The following TM9SF2 variants were observed in gnomAD, a reference collection of about 807,000 sequenced individuals.
The protein encoded by TM9SF2 is transmembrane 9 superfamily member 2, also known as 76 kDa membrane protein.
A neutral mutation model predicts 84.9 loss-of-function variants in TM9SF2; 13 were observed. The ratio of observed to expected loss-of-function variants is 0.15; its 90% CI spans 0.10 to 0.24. The LOEUF is 0.24. TM9SF2 is among the 10% of genes least tolerant of loss of function. TM9SF2 has a pLI of 1.00. For synonymous variants in TM9SF2, 273 were observed against 285.8 expected, an observed-to-expected ratio of 0.96 and a Z score of 0.45; for missense variants, 562 against 818.5, an observed-to-expected ratio of 0.69 and a Z score of 3.82.
intron 5 of TM9SF2, 71 bp downstream of exon 5, chr13:99,536,808 CA>C: frequency 6.5e-7 from 1 of 1,549,460 alleles, no homozygotes; most frequent in Non-Finnish European, 8.8e-7. Context: ...TTTACCTGGA[CA>C]AAAATTGTTA....
At chr13:99,536,505 T>G in intron 4 of TM9SF2, 103 bp from the exon 5 acceptor site, 2 of 1,382,260 alleles carry the variant, frequency 1.4e-6, no homozygotes, top group South Asian at 2.8e-5. Context: ...CTTAAGGCAT[T>G]TACACATTTA....
chr13:99,543,672 A>G (rs1408980852), intron 9 of TM9SF2, among the ~76,000 whole-genome samples, 191 bp from the exon 10 acceptor site: 1 of 152,242 alleles, frequency 6.6e-6, no homozygotes, highest in Non-Finnish European at 1.5e-5. Context: ...ACTGACATAT[A>G]AGACAGTTCA....
At chr13:99,512,694 G>A (rs945549053) in intron 1 of TM9SF2, among the ~76,000 whole-genome samples, 3 of 152,210 alleles carry the variant, frequency 2.0e-5, no homozygotes, top group Admixed American at 6.5e-5. Flanking sequence ...AAGATTTGCT[G>A]TAGTTTTAGA....
intron 9 of TM9SF2, among the ~76,000 whole-genome samples, chr13:99,543,294 T>C (rs1035463083): frequency 3.3e-5 from 5 of 152,220 alleles, no homozygotes; most frequent in African/African-American, 4.8e-5. Flanking sequence ...CAGTATACTT[T>C]CCTGACTTAT....
chr13:99,520,422 G>A (rs1010611580), intron 3 of TM9SF2, among the ~76,000 whole-genome samples: 1 of 152,128 alleles, frequency 6.6e-6, no homozygotes, highest in African/African-American at 2.4e-5. Context: ...CCTGAAACCC[G>A]GGTCCTGGAA....
At chr13:99,527,342 G>C (rs2046188182) in intron 3 of TM9SF2, among the ~76,000 whole-genome samples, 2 of 152,172 alleles carry the variant, frequency 1.3e-5, no homozygotes, top group Non-Finnish European at 1.5e-5. Context: ...GTTCCATATG[G>C]CTGGGGAGGC....
At chr13:99,518,021 C>G (rs2046142234) in intron 2 of TM9SF2, among the ~76,000 whole-genome samples, 1 of 152,144 alleles carries the variant, frequency 6.6e-6, no homozygotes, top group Admixed American at 6.5e-5. Context: ...TGATGTCTAC[C>G]TCCACATTTT....
chr13:99,520,395 C>T lies in TM9SF2; in HGVS notation c.333+266C>T, dbSNP rs530619608. Among the ~76,000 whole-genome samples, 48 of 152,276 alleles carry T rather than the reference C, an allele frequency of 3.2e-4. 1 individual carries two copies. The South Asian group carries it at 7.5e-3, about 24-fold the overall frequency. On this transcript the variant is annotated intron_variant, in intron 3 of 16. Transcript: ENST00000376387. Reference sequence around the variant, plus strand: ...TAAAGGGCAGGGCTCAGATGCTCTGCCTCCTTTACAGAGGGTCCTGAAACC... The same window carrying T: ...TAAAGGGCAGGGCTCAGATGCTCTGTCTCCTTTACAGAGGGTCCTGAAACC...
Position 99,501,622 on chromosome 13 carries a change from C to T in TM9SF2, c.16C>T (p.Pro6Ser), listed in dbSNP as rs2046065675. Residue 6 changes from proline (P) to serine (S), a missense_variant, in exon 1 of 17, where the codon CCG becomes TCG. By Grantham distance (74) the Pro-to-Ser change is moderately conservative. Coordinates refer to ENST00000376387, the MANE Select transcript of TM9SF2 (RefSeq NM_004800.3). ...AACAACTATCATGAGCGCGAGGCTGCCGGTGTTGTCTCCACCTCGGTGGCC... is the reference window on the plus strand; with the variant it reads ...AACAACTATCATGAGCGCGAGGCTGTCGGTGTTGTCTCCACCTCGGTGGCC... The part of the protein sequence containing the change: MSARL[P>S]VLSPPRWPRL... 3.7e-6 allele frequency: 6 copies of T among 1,612,428 alleles called. No individual in the cohort carries two copies. Among genetic ancestry groups the T allele is most frequent in the Non-Finnish European group, 4.2e-6 (5 of 1,179,242 alleles).
chr13:99,554,428 A>C lies in TM9SF2; in HGVS notation c.1613A>C (p.Gln538Pro). The C allele has an allele frequency of 6.2e-7, 1 of 1,614,128 alleles. No individual in the cohort carries two copies. The highest frequency in any genetic ancestry group is 8.5e-7 in the Non-Finnish European group (1 of 1,180,004). The change falls in exon 14 of 17, where the codon CAA (glutamine) becomes CCA (proline). Residue 538 changes from glutamine to proline, a missense_variant. By Grantham distance (76) the Gln-to-Pro change is moderately conservative. Around this residue, in one of 4 missense-constraint regions of TM9SF2, gnomAD observed 13 missense variants for 54.6 expected, o/e 0.24. Transcript: ENST00000376387. ...GILPFGCIFIQLFFILNSIWS... is the reference protein window; with the variant it reads ...GILPFGCIFIPLFFILNSIWS... Reference sequence around the variant, plus strand: ...TTGCCCTTTGGCTGCATCTTTATACAACTTTTCTTCATTCTGAATAGTATT... The same window carrying C: ...TTGCCCTTTGGCTGCATCTTTATACCACTTTTCTTCATTCTGAATAGTATT...
chr13:99,503,355 T>A (rs2046074791), intron 1 of TM9SF2, among the ~76,000 whole-genome samples: 1 of 152,086 alleles, frequency 6.6e-6, no homozygotes, highest in Non-Finnish European at 1.5e-5. Context: ...ATGTCCAAAG[T>A]GTGCTAAAAC....
At chr13:99,529,094 C>G (rs1221096204) in intron 3 of TM9SF2, among the ~76,000 whole-genome samples, 1 of 152,164 alleles carries the variant, frequency 6.6e-6, no homozygotes, top group East Asian at 1.9e-4. Context: ...CTGCTTGTTA[C>G]TAGAAAGCCA....
rs777782334 is a variant in TM9SF2 at position 99,540,702 on chromosome 13, A to C, written c.829-12A>C. 6.2e-7 allele frequency: 1 copy of C among 1,606,188 alleles called. No individual in the cohort carries two copies. Among genetic ancestry groups the C allele is most frequent in the East Asian group, 2.2e-5 (1 of 44,758 alleles). Reference sequence around the variant, plus strand: ...AGATGTTTACTTAAAGAGATTTTTTAATCTCCTCTAGGAAGATGATAAGAT... The same window carrying C: ...AGATGTTTACTTAAAGAGATTTTTTCATCTCCTCTAGGAAGATGATAAGAT... On this transcript the variant is annotated splice_polypyrimidine_tract_variant and intron_variant, in intron 7 of 16. Transcript: ENST00000376387.
At chr13:99,546,115 T>C (rs1180861187) in intron 10 of TM9SF2, among the ~76,000 whole-genome samples, 1 of 152,208 alleles carries the variant, frequency 6.6e-6, no homozygotes, top group Non-Finnish European at 1.5e-5. Context: ...GCTACCCTGA[T>C]GTGTTTCCTG....
At chr13:99,551,350 G>A (rs1381211803) in intron 12 of TM9SF2, among the ~76,000 whole-genome samples, 1 of 152,258 alleles carries the variant, frequency 6.6e-6, no homozygotes, top group Admixed American at 6.5e-5. Flanking sequence ...CGTGCTAGAT[G>A]TGGCACCATG....
chr13:99,527,070 G>C (rs939078467), intron 3 of TM9SF2, among the ~76,000 whole-genome samples: 1 of 152,148 alleles, frequency 6.6e-6, no homozygotes, highest in Non-Finnish European at 1.5e-5. Flanking sequence ...AGGGTGTTCT[G>C]CTGGTGACAC....
chr13:99,552,070 A>G (rs2046307631), intron 12 of TM9SF2, 97 bp from the exon 13 acceptor site: 2 of 1,170,870 alleles, frequency 1.7e-6, no homozygotes, highest in South Asian at 3.2e-5. Context: ...TTCTTTGTAT[A>G]TATATATTAG....
At chr13:99,558,864 A>G (rs551650179) in intron 15 of TM9SF2, among the ~76,000 whole-genome samples, 4 of 152,330 alleles carry the variant, frequency 2.6e-5, no homozygotes, top group African/African-American at 7.2e-5. Flanking sequence ...CTGTTAAGCT[A>G]TAAGCCACTT....
At position 99,563,112 on chromosome 13, in the gene TM9SF2, C is replaced by T. The variant is rs2046351257; in HGVS notation, c.*354C>T. Reference sequence around the variant, plus strand: ...AATACTGATGAAAGGCAGGACACTGCATTGTAAATAGGATTTTCTAGGCTC... The same window carrying T: ...AATACTGATGAAAGGCAGGACACTGTATTGTAAATAGGATTTTCTAGGCTC... On this transcript the variant is annotated 3_prime_UTR_variant, in exon 17 of 17. Transcript: ENST00000376387. 6.0e-6 allele frequency: 1 copy of T among 166,780 alleles called. No homozygotes were observed. The highest frequency in any genetic ancestry group is 1.3e-5 in the Non-Finnish European group (1 of 77,962). The allele number at this position is 166,780 out of a possible 1,614,324, so 10.3% of individuals were successfully genotyped here. A position where few individuals can be genotyped will look rare whatever the true frequency, so the allele number is the denominator to read the frequency against.
Sources: allele counts gnomAD v4.1 joint callset (sites outside exome capture counted in the v4.1 genomes callset), GRCh38; gene constraint gnomAD v4.1.1; regional missense constraint gnomAD v4.1.1; transcripts MANE v1.5; gene names NCBI Gene and HGNC (gene_info 2026-07-23, HGNC 2026-07-21).